The following NACC2 variants were observed in gnomAD, a reference collection of about 807,000 sequenced individuals.
NACC2 encodes NACC family member 2.
In NACC2, 8 loss-of-function variants were observed where a neutral mutation model predicts 25.1. The ratio of observed to expected loss-of-function variants is 0.32; its 90% CI spans 0.19 to 0.57. NACC2 has a LOEUF of 0.57. NACC2 is among the 20% of genes least tolerant of loss of function. NACC2 has a pLI of 0.89. For synonymous variants in NACC2, 435 were observed against 294.7 expected, an observed-to-expected ratio of 1.48 and a Z score of -4.88; for missense variants, 644 against 650.2, an observed-to-expected ratio of 0.99 and a Z score of 0.10.
intron 1 of NACC2, among the ~76,000 whole-genome samples, chr9:136,083,791 G>A (rs1261851782): frequency 3.3e-5 from 5 of 152,224 alleles, no homozygotes; most frequent in South Asian, 4.1e-4. Flanking sequence ...GTGGTGGCAC[G>A]TTCCGGCCGC....
rs1840279277 is a variant in NACC2 at position 136,020,696 on chromosome 9, AGACTTCCTGTACAGCTAC to A, written c.887-4285_887-4268del. The stretch of plus-strand genomic sequence containing the variant: ...AACAGTGCTGAATCAACTGATTTTA[AGACTTCCTGTACAGCTAC>A]AGTCATGAAGCCTGCATGGTTCAGG... On this transcript the variant is annotated intron_variant, in intron 2 of 5. Transcript: ENST00000277554. This position sits in a 1 kb window ranked among gnomAD's most constrained non-coding sequence, Gnocchi z 4.7. Among the ~76,000 whole-genome samples, 2 of 152,336 alleles carry A rather than the reference AGACTTCCTGTACAGCTAC, an allele frequency of 1.3e-5. No individual in the cohort carries two copies. Among genetic ancestry groups the A allele is most frequent in the African/African-American group, 4.8e-5 (2 of 41,576 alleles).
At chr9:136,068,622 G>T (rs144258402) in intron 1 of NACC2, among the ~76,000 whole-genome samples, 6 of 151,696 alleles carry the variant, frequency 4.0e-5, no homozygotes, top group South Asian at 2.1e-4. Context: ...GCTGTCCCCT[G>T]AACTGCTGTT....
chr9:136,082,637 G>C (rs1490711014), intron 1 of NACC2, among the ~76,000 whole-genome samples: 1 of 146,938 alleles, frequency 6.8e-6, no homozygotes, highest in African/African-American at 2.5e-5. Context: ...CCACCCGCCA[G>C]GCCCGCGCTG....
In NACC2 at chr9:136,092,418, A is replaced by C. The variant is rs1332709421; in HGVS notation, c.-60+2771T>G. ...CAAACTCCCGCACCTGCCCACATGC[A>C]TCAGACGGCGGCTCAGGTCCAGCGT... On this transcript the variant is annotated intron_variant, in intron 1 of 5. Transcript: ENST00000277554. Among the ~76,000 whole-genome samples, 6 of 152,194 alleles carry C rather than the reference A, an allele frequency of 3.9e-5. No individual in the cohort carries two copies. In the South Asian group the frequency reaches 1.2e-3, roughly 32 times the overall value.
intron 1 of NACC2, among the ~76,000 whole-genome samples, chr9:136,061,541 T>G (rs1025218711): frequency 1.3e-5 from 2 of 152,040 alleles, no homozygotes; most frequent in Admixed American, 6.6e-5. Flanking sequence ...GGCGGATGGA[T>G]GGGCCGTGCT....
rs574257907 is a variant in NACC2 at position 136,022,377 on chromosome 9, C to T, written c.887-5948G>A. Among the ~76,000 whole-genome samples, 7 of 152,354 alleles carry T rather than the reference C, an allele frequency of 4.6e-5. 1 individual carries two copies. The highest frequency in any genetic ancestry group is 3.9e-4 in the Admixed American group (6 of 15,314). ...GGTGTGGACTCAACACCCTCCTGCCCGATGCCCAGCAAGGCTGGGACCACA... is the reference window on the plus strand; with the variant it reads ...GGTGTGGACTCAACACCCTCCTGCCTGATGCCCAGCAAGGCTGGGACCACA... On this transcript the variant is annotated intron_variant, in intron 2 of 5. Coordinates refer to ENST00000277554, the MANE Select transcript of NACC2 (RefSeq NM_144653.5). This position sits in a 1 kb window ranked among gnomAD's most constrained non-coding sequence, Gnocchi z 4.4.
At chr9:136,054,976 C>T (rs1840902302) in intron 1 of NACC2, among the ~76,000 whole-genome samples, 1 of 152,138 alleles carries the variant, frequency 6.6e-6, no homozygotes, top group African/African-American at 2.4e-5. Flanking sequence ...TGCCCCACCC[C>T]ACACAGACAC....
In NACC2 at chr9:136,084,136, C is replaced by T. The variant is rs1830353864; in HGVS notation, c.-60+11053G>A. ...CCAGGGACAACTGAGGGACATGGAT[C>T]CAGCCAGGAGGGGACCCGTCTTTCC... On this transcript the variant is annotated intron_variant, in intron 1 of 5. Transcript: ENST00000277554. The surrounding 1 kb of genome is among the most constrained non-coding windows in gnomAD (Gnocchi z 5.1). 6.6e-6 allele frequency among the ~76,000 whole-genome samples: 1 copy of T among 152,104 alleles called. No homozygotes were observed. The highest frequency in any genetic ancestry group is 6.5e-5 in the Admixed American group (1 of 15,286).
At chr9:136,062,618 T>C (rs571621136) in intron 1 of NACC2, among the ~76,000 whole-genome samples, 1 of 152,268 alleles carries the variant, frequency 6.6e-6, no homozygotes, top group South Asian at 2.1e-4. Context: ...CATTTATCAC[T>C]CTAAAAATTA....
At chr9:136,077,331 A>AAAAAC (rs1375471496) in intron 1 of NACC2, among the ~76,000 whole-genome samples, 1 of 152,222 alleles carries the variant, frequency 6.6e-6, no homozygotes, top group African/African-American at 2.4e-5. Flanking sequence ...CTCCGTCTCA[A>AAAAAC]AAAACAAAAC....
rs753222545 is a variant in NACC2 at position 136,013,107 on chromosome 9, G to A, written c.1255+92C>T. On this transcript the variant is annotated intron_variant, in intron 5 of 5. Transcript: ENST00000277554. The surrounding 1 kb of genome is among the most constrained non-coding windows in gnomAD (Gnocchi z 6.6). ...CCAGGGACGGAAGCTGCAGGTGGCC[G>A]GGAGCACCCCCGCGGCCCACCCAGT... 9.1e-6 allele frequency: 10 copies of A among 1,101,650 alleles called. No individual in the cohort carries two copies. Among genetic ancestry groups the A allele is most frequent in the South Asian group, 4.5e-5 (3 of 67,096 alleles). 68.2% of individuals were successfully genotyped at this position (1,101,650 alleles called of 1,614,324 possible). A position where few individuals can be genotyped will look rare whatever the true frequency, so the allele number is the denominator to read the frequency against.
At chr9:136,080,638 C>T (rs1029303538) in intron 1 of NACC2, among the ~76,000 whole-genome samples, 26 of 152,120 alleles carry the variant, frequency 1.7e-4, no homozygotes, top group Non-Finnish European at 2.8e-4. Context: ...CCCCACAGAC[C>T]GCACAGAATC....
intron 1 of NACC2, among the ~76,000 whole-genome samples, chr9:136,058,110 G>A (rs1013491304): frequency 6.6e-6 from 1 of 152,138 alleles, no homozygotes; most frequent in African/African-American, 2.4e-5. Flanking sequence ...GGGGGCGGGG[G>A]GGGCCCAATG....
chr9:136,047,597 T>G (rs1438162393), intron 2 of NACC2, among the ~76,000 whole-genome samples: 1 of 152,212 alleles, frequency 6.6e-6, no homozygotes, highest in African/African-American at 2.4e-5. Flanking sequence ...AACATGGCCT[T>G]GAGGGTGTCC....
intron 2 of NACC2, among the ~76,000 whole-genome samples, chr9:136,043,361 G>A (rs530325054): frequency 1.1e-3 from 170 of 152,350 alleles, no homozygotes; most frequent in African/African-American, 3.9e-3. Flanking sequence ...CGTGCTCAGC[G>A]TTACTGACCA....
intron 2 of NACC2, among the ~76,000 whole-genome samples, chr9:136,044,859 C>T (rs986183499): frequency 1.0e-3 from 156 of 152,326 alleles, no homozygotes; most frequent in African/African-American, 3.6e-3. Context: ...CCCTGGCCAC[C>T]TGGGTTCTGT....
intron 1 of NACC2, among the ~76,000 whole-genome samples, chr9:136,082,050 C>T (rs1027975969): frequency 6.6e-6 from 1 of 152,212 alleles, no homozygotes; most frequent in African/African-American, 2.4e-5. Context: ...CCCATTTCTC[C>T]TTTCACAAAA....
rs2131129787 is a variant in NACC2, at chr9:136,011,530, C to G, written c.1750G>C (p.Ala584Pro). 7.1e-7 allele frequency: 1 copy of G among 1,407,334 alleles called. No homozygotes were observed. Among genetic ancestry groups the G allele is most frequent in the East Asian group, 2.8e-5 (1 of 36,098 alleles). The allele number at this position is 1,407,334 out of a possible 1,614,324, so 87.2% of individuals were successfully genotyped here. A position where few individuals can be genotyped will look rare whatever the true frequency, so the allele number is the denominator to read the frequency against. Residue 584 changes from alanine (A) to proline (P), a missense_variant, in exon 6 of 6, where the codon GCA becomes CCA. By Grantham distance (27) the Ala-to-Pro change is conservative. Coordinates refer to ENST00000277554, the MANE Select transcript of NACC2 (RefSeq NM_144653.5). The part of the protein sequence containing the change: ...AAARRPEGTY[A>P]GTL ...CCCAGCTCCGCTTACAAGGTCCCTG[C>G]ATAGGTGCCCTCCGGCCTCCGGGCC...
chr9:136,067,146 C>T (rs760448840), intron 1 of NACC2, among the ~76,000 whole-genome samples: 11 of 151,528 alleles, frequency 7.3e-5, no homozygotes, highest in South Asian at 2.1e-4. Context: ...CCCGGCTACT[C>T]GGGAGGCTGA....
Sources: gnomAD v4.1 joint callset for allele counts (sites outside exome capture counted in the v4.1 genomes callset) on GRCh38, gnomAD v4.1.1 for gene constraint, Gnocchi (gnomAD v3.1) non-coding constraint, MANE v1.5 for transcripts, NCBI Gene and HGNC (gene_info 2026-07-23, HGNC 2026-07-21) for gene names.